The following DENND1B variants were observed in gnomAD, a reference collection of about 807,000 sequenced individuals.
DENND1B encodes the protein DENN domain-containing protein 1B.
A neutral mutation model predicts 90.1 loss-of-function variants in DENND1B; 59 were observed. The ratio of observed to expected loss-of-function variants is 0.65; its 90% confidence interval spans 0.53 to 0.81. The LOEUF is 0.81. Among genes scored for constraint, DENND1B ranks in the 40% least tolerant of loss-of-function variants. The pLI, the probability that DENND1B is intolerant of heterozygous loss-of-function variation, is 0.00. For missense variants in DENND1B, 862 were observed against 912.6 expected (o/e 0.94, Z 0.71); for synonymous variants, 337 against 324.6 (o/e 1.04, Z -0.41).
chr1:197,768,004 T>C (rs1207379201), intron 2 of DENND1B, among the ~76,000 whole-genome samples: 1 of 152,228 alleles, frequency 6.6e-6, no homozygotes, highest in Non-Finnish European at 1.5e-5. Context: ...AGTTTCTTCA[T>C]GTGCCAAATG....
intron 20 of DENND1B, among the ~76,000 whole-genome samples, chr1:197,528,674 A>C (rs1488285155): frequency 6.6e-6 from 1 of 151,870 alleles, no homozygotes; most frequent in Non-Finnish European, 1.5e-5. Flanking sequence ...TCCCGGCTAA[A>C]ACGGTGAAAC....
intron 5 of DENND1B, among the ~76,000 whole-genome samples, chr1:197,660,506 A>AG (rs1654303335): frequency 6.6e-6 from 1 of 152,000 alleles, no homozygotes; most frequent in Non-Finnish European, 1.5e-5. Flanking sequence ...AAATTTTCCC[A>AG]GAACTTCAGA....
chr1:197,735,512 T>G, intron 2 of DENND1B: 1 of 1,604,214 alleles, frequency 6.2e-7, no homozygotes, highest in South Asian at 1.1e-5. Flanking sequence ...AGTTTATGTT[T>G]ACTTTAGTGT....
chr1:197,748,623 T>C (rs1322053241), intron 2 of DENND1B, among the ~76,000 whole-genome samples: 1 of 152,104 alleles, frequency 6.6e-6, no homozygotes, highest in Non-Finnish European at 1.5e-5. Flanking sequence ...TTGTGGGCTT[T>C]GAAGACAGAA....
At chr1:197,544,204 C>T (rs1385881492) in intron 18 of DENND1B, among the ~76,000 whole-genome samples, 1 of 152,014 alleles carries the variant, frequency 6.6e-6, no homozygotes, top group African/African-American at 2.4e-5. Flanking sequence ...TGTATAAAAG[C>T]TTTTTTTGTG....
intron 2 of DENND1B, among the ~76,000 whole-genome samples, chr1:197,763,349 T>C (rs1655333194): frequency 6.6e-6 from 1 of 152,218 alleles, no homozygotes; most frequent in South Asian, 2.1e-4. Context: ...TTATACTTCT[T>C]TTAAAAGAAA....
At chr1:197,545,694 G>C in intron 18 of DENND1B, 1 of 414,820 alleles carries the variant, frequency 2.4e-6, no homozygotes, top group South Asian at 5.1e-5. Flanking sequence ...TTTGCCGATA[G>C]CTTTGGAATA....
At chr1:197,617,522 C>T (rs1419656732) in intron 11 of DENND1B, 137 bp downstream of exon 11, 6 of 620,516 alleles carry the variant, frequency 9.7e-6, no homozygotes, top group Admixed American at 8.8e-5. Flanking sequence ...TTCATAAAAG[C>T]CATCTTTACT....
At chr1:197,546,655 T>C in intron 17 of DENND1B, 78 bp downstream of exon 17, 1 of 1,189,196 alleles carries the variant, frequency 8.4e-7, no homozygotes, top group Non-Finnish European at 1.2e-6. Flanking sequence ...ACAGCATAAG[T>C]ATAAACAGCA....
intron 16 of DENND1B, chr1:197,552,812 CAGG>C: frequency 7.6e-7 from 1 of 1,322,448 alleles, no homozygotes; most frequent in Non-Finnish European, 9.6e-7. Flanking sequence ...GCTGCCAATT[CAGG>C]AGGCCAACTT....
intron 2 of DENND1B, chr1:197,735,482 G>T: frequency 6.4e-7 from 1 of 1,559,074 alleles, no homozygotes; most frequent in Non-Finnish European, 8.7e-7. Context: ...TAGAAGAAGT[G>T]ATCTAAAGTT....
chr1:197,652,453 C>T, intron 6 of DENND1B, 138 bp from the exon 7 acceptor site: 1 of 609,248 alleles, frequency 1.6e-6, no homozygotes, highest in Non-Finnish European at 2.7e-6. Context: ...AGAAACATTT[C>T]AAATACCTGA....
chr1:197,726,705 A>G (rs1050060788), intron 2 of DENND1B, among the ~76,000 whole-genome samples: 1 of 152,210 alleles, frequency 6.6e-6, no homozygotes, highest in Non-Finnish European at 1.5e-5. Flanking sequence ...CAGAAATACT[A>G]AAAGAGAATG....
chr1:197,777,975 A>G (rs976761882), upstream of DENND1B, among the ~76,000 whole-genome samples: 3 of 152,158 alleles, frequency 2.0e-5, no homozygotes, highest in Non-Finnish European at 2.9e-5. Flanking sequence ...TCTGCTTGAC[A>G]TAATTCAATT....
intron 2 of DENND1B, chr1:197,735,888 G>A: frequency 6.5e-7 from 1 of 1,538,330 alleles, no homozygotes; most frequent in Non-Finnish European, 9.0e-7. Flanking sequence ...TATTACAGGT[G>A]CCTCTCCTGC....
chr1:197,681,508 A>AC (rs1164843426), intron 3 of DENND1B, among the ~76,000 whole-genome samples: 1 of 152,112 alleles, frequency 6.6e-6, no homozygotes, highest in East Asian at 1.9e-4. Flanking sequence ...TTAATCACCA[A>AC]CTCTACATAA....
intron 13 of DENND1B, among the ~76,000 whole-genome samples, chr1:197,603,010 G>A (rs1271994650): frequency 1.3e-5 from 2 of 151,078 alleles, no homozygotes; most frequent in Non-Finnish European, 3.0e-5. Context: ...ATTATAATAA[G>A]GTCTTTTCAA....
upstream of DENND1B, chr1:197,775,553 C>G (rs577791284): frequency 6.3e-6 from 1 of 159,374 alleles, no homozygotes; most frequent in African/African-American, 2.4e-5. Flanking sequence ...GGCCGTGCGG[C>G]TCGCAAGTCG....
At chr1:197,563,802 A>T (rs1672378884) in intron 15 of DENND1B, among the ~76,000 whole-genome samples, 1 of 151,972 alleles carries the variant, frequency 6.6e-6, no homozygotes, top group African/African-American at 2.4e-5. Flanking sequence ...ACCATTCTAG[A>T]TATCATTAAG....
Sources: gnomAD v4.1 joint callset for allele counts (sites outside exome capture counted in the v4.1 genomes callset) on GRCh38, gnomAD v4.1.1 for gene constraint, MANE v1.5 for transcripts, NCBI Gene and HGNC (gene_info 2026-07-23, HGNC 2026-07-21) for gene names.